The following ASB7 variants were observed in gnomAD, a reference collection of about 807,000 sequenced individuals.
ASB7 encodes ankyrin repeat and SOCS box protein 7.
In ASB7, 4 loss-of-function variants were observed where a neutral mutation model predicts 32.5. The ratio of observed to expected loss-of-function variants is 0.12; its 90% CI spans 0.06 to 0.28. ASB7 has a LOEUF of 0.28. Among genes scored for constraint, ASB7 ranks in the 10% least tolerant of loss-of-function variants. ASB7 has a pLI of 1.00. For missense variants in ASB7, 181 were observed against 407.1 expected (o/e 0.44, Z 4.78); for synonymous variants, 172 against 155.6 (o/e 1.11, Z -0.78).
intron 5 of ASB7, 61 bp downstream of exon 5, chr15:100,630,103 T>TAA (rs2039872797): frequency 6.9e-7 from 1 of 1,449,312 alleles, no homozygotes; most frequent in African/African-American, 1.4e-5. Context: ...CTGAGGAGCT[T>TAA]AATGTGTTTT....
At chr15:100,645,432 C>T (rs1241190747) in intron 5 of ASB7, 5 of 345,386 alleles carry the variant, frequency 1.4e-5, no homozygotes, top group Non-Finnish European at 2.8e-5. Context: ...TCATGCCCCC[C>T]GGAATATCTG....
At chr15:100,615,826 C>T (rs2039738564) in intron 4 of ASB7, among the ~76,000 whole-genome samples, 1 of 152,234 alleles carries the variant, frequency 6.6e-6, no homozygotes, top group African/African-American at 2.4e-5. Flanking sequence ...TCCTTATCTG[C>T]ATAGGACTCT....
At chr15:100,607,602 TG>T (rs2039657355) in intron 2 of ASB7, among the ~76,000 whole-genome samples, 1 of 152,230 alleles carries the variant, frequency 6.6e-6, no homozygotes, top group African/African-American at 2.4e-5. Context: ...CTGTGGTTAT[TG>T]TTTATAGCAC....
chr15:100,606,817 G>A (rs769822387), intron 2 of ASB7, among the ~76,000 whole-genome samples: 6 of 151,940 alleles, frequency 3.9e-5, no homozygotes, highest in Non-Finnish European at 7.4e-5. Flanking sequence ...AGTATCAGTA[G>A]CTCCTGAGTC....
rs755236479 is a variant in ASB7 at position 100,643,463 on chromosome 15, C to T, written c.818-4860C>T. Among the ~76,000 whole-genome samples, 253 of 148,488 alleles carry T rather than the reference C, an allele frequency of 1.7e-3. 1 individual carries two copies. The highest frequency in any genetic ancestry group is 3.1e-3 in the Non-Finnish European group (211 of 67,238). On this transcript the variant is annotated intron_variant, in intron 5 of 5. Coordinates refer to ENST00000332783, the MANE Select transcript of ASB7 (RefSeq NM_198243.3). ...GATCCCCCATTCCATAACCTTTTGT[C>T]TCAGTCCCTTCTTCTTTTTTTTTTT...
intron 4 of ASB7, among the ~76,000 whole-genome samples, chr15:100,619,828 G>C (rs555008588): frequency 1.3e-5 from 2 of 152,332 alleles, no homozygotes; most frequent in Admixed American, 1.3e-4. Flanking sequence ...AGCCACACTT[G>C]CTGCTGCTTC....
chr15:100,644,348 C>T (rs1329612661), intron 5 of ASB7, among the ~76,000 whole-genome samples: 1 of 152,226 alleles, frequency 6.6e-6, no homozygotes, highest in Non-Finnish European at 1.5e-5. Flanking sequence ...TTCCAGTTTG[C>T]ATTTGCAGAT....
chr15:100,634,049 A>G (rs934704741), intron 5 of ASB7, among the ~76,000 whole-genome samples: 3 of 152,222 alleles, frequency 2.0e-5, no homozygotes, highest in Admixed American at 1.3e-4. Flanking sequence ...ACACAAGCAG[A>G]TGTTATTAAA....
At position 100,629,855 on chromosome 15, in the gene ASB7, C is replaced by T. The variant is rs752363626; in HGVS notation, c.630C>T (p.Arg210=). The change falls in exon 5 of 6, where the codon CGC becomes CGT. Residue 210 remains arginine (R), a synonymous_variant. Coordinates refer to ENST00000332783, the MANE Select transcript of ASB7 (RefSeq NM_198243.3). The surrounding 1 kb of genome is among the most constrained non-coding windows in gnomAD (Gnocchi z 6.8). ...LQRGADTNLG[R]LEDGQTPLHL... is the part of the protein sequence containing the mutation. ...GAGGGGCAGACACAAACTTGGGTCGCTTAGAAGACGGACAGACTCCTTTAC... is the reference window on the plus strand; with the variant it reads ...GAGGGGCAGACACAAACTTGGGTCGTTTAGAAGACGGACAGACTCCTTTAC... 3 of 1,614,194 alleles carry T rather than the reference C, an allele frequency of 1.9e-6. No individual in the cohort carries two copies. The highest frequency in any genetic ancestry group is 2.2e-5 in the South Asian group (2 of 91,078).
chr15:100,646,496 C>G (rs890613851), intron 5 of ASB7: 4 of 469,280 alleles, frequency 8.5e-6, no homozygotes, highest in Non-Finnish European at 1.8e-5. Flanking sequence ...ATAAGGAAAT[C>G]AAACTCCACA....
Position 100,651,390 on chromosome 15 carries a change from C to G in ASB7, c.*2928C>G, listed in dbSNP as rs755541135. 3 of 152,134 alleles carry G rather than the reference C, an allele frequency of 2.0e-5. No homozygotes were observed. Among genetic ancestry groups the G allele is most frequent in the Non-Finnish European group, 1.5e-5 (1 of 68,028 alleles). 9.4% of individuals were successfully genotyped at this position (152,134 alleles called of 1,614,324 possible). On this transcript the variant is annotated 3_prime_UTR_variant, in exon 6 of 6. Coordinates refer to ENST00000332783, the MANE Select transcript of ASB7 (RefSeq NM_198243.3). ...TGGAACAGCATTTCCACTAGAGAAT[C>G]CAGCGTTCTGGCAGTAGCAAGAGTA...
At chr15:100,605,112 C>T (rs1023412451) in intron 2 of ASB7, among the ~76,000 whole-genome samples, 3 of 152,142 alleles carry the variant, frequency 2.0e-5, no homozygotes, top group African/African-American at 4.8e-5. Context: ...TTGCTTAAAT[C>T]GTATTTCATG....
chr15:100,624,765 A>C (rs947840806), intron 4 of ASB7, among the ~76,000 whole-genome samples: 2 of 152,232 alleles, frequency 1.3e-5, no homozygotes, highest in Admixed American at 1.3e-4. Flanking sequence ...AACACTTCCA[A>C]GCTTGTTGTA....
intron 5 of ASB7, among the ~76,000 whole-genome samples, chr15:100,632,848 A>G (rs1381182733): frequency 8.9e-6 from 1 of 112,794 alleles, no homozygotes; most frequent in Non-Finnish European, 1.8e-5. Context: ...ACTCTGATCT[A>G]TATAGTGCAA....
At chr15:100,641,230 C>G (rs1163482060) in intron 5 of ASB7, among the ~76,000 whole-genome samples, 1 of 152,104 alleles carries the variant, frequency 6.6e-6, no homozygotes, top group Non-Finnish European at 1.5e-5. Context: ...GCCCTTTAAT[C>G]TCTGGGATAG....
At chr15:100,632,272 G>A (rs530833245) in intron 5 of ASB7, among the ~76,000 whole-genome samples, 49 of 152,322 alleles carry the variant, frequency 3.2e-4, no homozygotes, top group Non-Finnish European at 3.1e-4. Context: ...AGCGAGGGGT[G>A]GGGACTGAGG....
chr15:100,618,645 G>A (rs2039765698), intron 4 of ASB7, among the ~76,000 whole-genome samples: 1 of 151,682 alleles, frequency 6.6e-6, no homozygotes, highest in African/African-American at 2.4e-5. Flanking sequence ...GTGTGTGTGT[G>A]GAGAGACAGA....
intron 5 of ASB7, among the ~76,000 whole-genome samples, chr15:100,632,693 AC>A (rs2039893132): frequency 6.6e-6 from 1 of 152,186 alleles, no homozygotes; most frequent in South Asian, 2.1e-4. Flanking sequence ...CAGAGGGGCC[AC>A]ATGGTGGTCT....
At chr15:100,613,355 G>T (rs2039712783) in intron 4 of ASB7, among the ~76,000 whole-genome samples, 1 of 152,238 alleles carries the variant, frequency 6.6e-6, no homozygotes, top group South Asian at 2.1e-4. Context: ...TGTGAATAAT[G>T]TGAATATATG....
Sources: gnomAD v4.1 joint callset for allele counts (sites outside exome capture counted in the v4.1 genomes callset) on GRCh38, gnomAD v4.1.1 for gene constraint, Gnocchi (gnomAD v3.1) non-coding constraint, MANE v1.5 for transcripts, NCBI Gene and HGNC (gene_info 2026-07-23, HGNC 2026-07-21) for gene names.